The following RSU1 variants were observed in gnomAD, a reference collection of about 807,000 sequenced individuals.
RSU1 encodes rsu-1.
A neutral mutation model predicts 31.1 loss-of-function variants in RSU1; 26 were observed. That is an observed-to-expected ratio of 0.84 (90% CI 0.61 to 1.16). The LOEUF is 1.16. RSU1 is among the 50% of genes most tolerant of loss of function. The pLI is 0.00. For missense variants in RSU1, 320 were observed against 339.1 expected (o/e 0.94, Z 0.44); for synonymous variants, 164 against 136.3 (o/e 1.20, Z -1.41).
intron 2 of RSU1, among the ~76,000 whole-genome samples, chr10:16,815,925 C>T (rs1838519533): frequency 6.6e-6 from 1 of 152,176 alleles, no homozygotes; most frequent in Admixed American, 6.5e-5. Flanking sequence ...CCAGGAAGGG[C>T]AACAGGTTCA....
chr10:16,725,459 C>A (rs975104413), intron 7 of RSU1, among the ~76,000 whole-genome samples: 9 of 152,162 alleles, frequency 5.9e-5, no homozygotes, highest in African/African-American at 2.2e-4. Context: ...GTTCCCTCTA[C>A]AATTCAAGTT....
intron 8 of RSU1, among the ~76,000 whole-genome samples, chr10:16,612,640 G>C (rs1833912067): frequency 1.3e-5 from 2 of 152,278 alleles, no homozygotes; most frequent in South Asian, 4.1e-4. Context: ...TTGTTGTAAT[G>C]AACACTGATC....
chr10:16,786,421 G>C (rs1837793053), intron 2 of RSU1, among the ~76,000 whole-genome samples: 1 of 152,012 alleles, frequency 6.6e-6, no homozygotes, highest in African/African-American at 2.4e-5. Flanking sequence ...AGATATTCAG[G>C]TTCATCTTGT....
chr10:16,730,125 C>T (rs72771308), intron 7 of RSU1, among the ~76,000 whole-genome samples: 11,698 of 152,048 alleles, frequency 0.077, 863 homozygotes, highest in African/African-American at 0.2. Context: ...GAGGGCAAGA[C>T]GGAAGGGAGG....
chr10:16,802,838 T>C (rs958616064), intron 2 of RSU1, among the ~76,000 whole-genome samples: 1 of 152,056 alleles, frequency 6.6e-6, no homozygotes, highest in Non-Finnish European at 1.5e-5. Context: ...TCAACACCCA[T>C]AAAAACTCTT....
At position 16,645,915 on chromosome 10, in the gene RSU1, T is replaced by TAC. The variant is rs1834541224; in HGVS notation, c.731+49107_731+49108insGT. ...ATATGTATATACACATATATGTATA[T>TAC]ATATGTGTATATACACATATGTGTA... is the stretch of plus-strand genomic sequence containing the variant. On this transcript the variant is annotated intron_variant, in intron 8 of 8. Transcript: ENST00000345264. Among the ~76,000 whole-genome samples the TAC allele has an allele frequency of 8.7e-5, 3 of 34,632 alleles. 1 individual carries two copies. Among genetic ancestry groups the TAC allele is most frequent in the South Asian group, 2.2e-3 (2 of 894 alleles). The allele number at this position is 34,632 out of a possible 152,430, so 22.7% of individuals were successfully genotyped here. A position where few individuals can be genotyped will look rare whatever the true frequency, so the allele number is the denominator to read the frequency against.
chr10:16,644,020 G>T (rs1834491742), intron 8 of RSU1, among the ~76,000 whole-genome samples: 1 of 151,812 alleles, frequency 6.6e-6, no homozygotes, highest in African/African-American at 2.4e-5. Context: ...GGGAGGATGT[G>T]CATAGGTTAC....
At chr10:16,793,680 C>A (rs1837972507) in intron 2 of RSU1, among the ~76,000 whole-genome samples, 1 of 152,028 alleles carries the variant, frequency 6.6e-6, no homozygotes, top group Non-Finnish European at 1.5e-5. Flanking sequence ...ACTTGGTGAG[C>A]TACAGCTACT....
chr10:16,761,118 T>C (rs1464313460), intron 4 of RSU1, among the ~76,000 whole-genome samples: 4 of 152,084 alleles, frequency 2.6e-5, no homozygotes, highest in Non-Finnish European at 4.4e-5. Context: ...AATTTTTGTA[T>C]ATTTAGTAGA....
intron 3 of RSU1, among the ~76,000 whole-genome samples, chr10:16,765,124 G>A (rs1284596434): frequency 6.6e-6 from 1 of 151,658 alleles, no homozygotes. Context: ...TTTTCTTTTG[G>A]TTTTCTTGCA....
chr10:16,598,031 G>A (rs906840975), intron 8 of RSU1, among the ~76,000 whole-genome samples: 1 of 152,242 alleles, frequency 6.6e-6, no homozygotes, highest in African/African-American at 2.4e-5. Context: ...GGCTCTGCCA[G>A]TTACGAGCCA....
intron 8 of RSU1, among the ~76,000 whole-genome samples, chr10:16,605,580 A>G (rs1395231072): frequency 6.6e-6 from 1 of 152,108 alleles, no homozygotes; most frequent in African/African-American, 2.4e-5. Context: ...AAAAATATGG[A>G]GTGACTGAAC....
chr10:16,661,613 T>G (rs1428054118), intron 8 of RSU1, among the ~76,000 whole-genome samples: 2 of 152,192 alleles, frequency 1.3e-5, no homozygotes, highest in Non-Finnish European at 2.9e-5. Flanking sequence ...TGTAGAGCAA[T>G]GGCAAAAGCA....
chr10:16,813,766 C>A (rs1452958545), intron 2 of RSU1, among the ~76,000 whole-genome samples: 1 of 152,166 alleles, frequency 6.6e-6, no homozygotes, highest in African/African-American at 2.4e-5. Flanking sequence ...TAGAATCTGG[C>A]TGGACTACTA....
chr10:16,708,396 A>C (rs189740435), intron 7 of RSU1, among the ~76,000 whole-genome samples: 46 of 152,156 alleles, frequency 3.0e-4, no homozygotes, highest in Admixed American at 5.2e-4. Flanking sequence ...CTGTTGAGGG[A>C]TTTGTCTTGC....
At chr10:16,650,018 A>C (rs1183626947) in intron 8 of RSU1, among the ~76,000 whole-genome samples, 1 of 152,212 alleles carries the variant, frequency 6.6e-6, no homozygotes, top group Non-Finnish European at 1.5e-5. Flanking sequence ...ATCACTGACA[A>C]ACACAGTTGT....
intron 2 of RSU1, among the ~76,000 whole-genome samples, chr10:16,803,761 C>G (rs973816817): frequency 6.6e-6 from 1 of 152,168 alleles, no homozygotes; most frequent in African/African-American, 2.4e-5. Context: ...GGTGCTGAAA[C>G]AGATGGACAT....
intron 3 of RSU1, among the ~76,000 whole-genome samples, chr10:16,772,641 G>GAAAAAAAAAAAAAAAAAAA (rs60460081): frequency 5.9e-4 from 38 of 64,752 alleles, no homozygotes; most frequent in African/African-American, 2.0e-3. Context: ...AGTAGAATAT[G>GAAAAAAAAAAAAAAAAAAA]AAAAAAAAAA....
chr10:16,644,607 G>A (rs1213932251), intron 8 of RSU1, among the ~76,000 whole-genome samples: 1 of 152,128 alleles, frequency 6.6e-6, no homozygotes, highest in Non-Finnish European at 1.5e-5. Context: ...CAGAAACCAG[G>A]CTCTGGGTCT....
Sources: allele counts gnomAD v4.1 joint callset (sites outside exome capture counted in the v4.1 genomes callset), GRCh38; gene constraint gnomAD v4.1.1; transcripts MANE v1.5; gene names NCBI Gene and HGNC (gene_info 2026-07-23, HGNC 2026-07-21).